The following DOK7 variants were observed in gnomAD, a reference collection of about 807,000 sequenced individuals.
The protein encoded by DOK7 is protein Dok-7.
In DOK7, 32 loss-of-function variants were observed where a neutral mutation model predicts 30.7. That is an observed-to-expected ratio of 1.04 (90% CI 0.79 to 1.40). DOK7 has a LOEUF of 1.40. Ranked by LOEUF, DOK7 falls within the 40% of genes most tolerant of loss-of-function variation. The pLI, the probability that DOK7 is intolerant of heterozygous loss-of-function variation, is 0.00. For missense variants in DOK7, 1,007 were observed against 699.2 expected (o/e 1.44, Z -4.97); for synonymous variants, 447 against 324.1 (o/e 1.38, Z -4.07).
intron 4 of DOK7, chr4:3,484,582 G>T (rs916896075): frequency 4.1e-6 from 4 of 985,250 alleles, no homozygotes; most frequent in African/African-American, 1.7e-5. Context: ...CCCCTGGCCG[G>T]GAGGGCAGCG....
intron 4 of DOK7, among the ~76,000 whole-genome samples, chr4:3,477,407 T>C (rs1243342094): frequency 6.6e-6 from 1 of 152,202 alleles, no homozygotes; most frequent in Non-Finnish European, 1.5e-5. Flanking sequence ...AGCCTGGATG[T>C]GTCTGGGTGG....
intron 4 of DOK7, among the ~76,000 whole-genome samples, chr4:3,479,928 G>C (rs56354837): frequency 0.26 from 39,082 of 152,092 alleles, 5,230 homozygotes; most frequent in South Asian, 0.39. Context: ...CATGGCAGGC[G>C]ACGGTCTGTG....
intron 5 of DOK7, 95 bp from the exon 6 acceptor site, chr4:3,489,582 G>A: frequency 5.2e-6 from 8 of 1,543,446 alleles, no homozygotes; most frequent in Middle Eastern, 2.1e-4. Context: ...ACTCCACAGA[G>A]GGGGATAACC....
intron 6 of DOK7, among the ~76,000 whole-genome samples, chr4:3,492,211 AGGGAGGGAGACT>A (rs1330557691): frequency 6.6e-6 from 1 of 151,984 alleles, no homozygotes; most frequent in Non-Finnish European, 1.5e-5. Context: ...CATCCCCCGC[AGGGAGGGAGACT>A]GGGAGTGAGG....
chr4:3,487,817 T>G (rs945733487), intron 5 of DOK7, among the ~76,000 whole-genome samples: 1 of 152,164 alleles, frequency 6.6e-6, no homozygotes, highest in African/African-American at 2.4e-5. Context: ...CTGTGGGGCA[T>G]TGGCTTTGAG....
chr4:3,491,195 ATTCCTTCCCCC>A (rs1728390987), intron 6 of DOK7, among the ~76,000 whole-genome samples: 1 of 13,580 alleles, frequency 7.4e-5, no homozygotes, highest in African/African-American at 2.0e-4. Context: ...CCCCCTGCTC[ATTCCTTCCCCC>A]CTGCTCATTC....
chr4:3,473,396 C>T lies in DOK7; in HGVS notation c.101-10C>T. On this transcript the variant is annotated splice_polypyrimidine_tract_variant and intron_variant, in intron 2 of 6. Coordinates refer to ENST00000340083, the MANE Select transcript of DOK7 (RefSeq NM_173660.5). ...TTGGCTGGCGTCCCTGACGGCCACGCTCCTTGCAGACTGCCTGCTGATGCT... is the reference window on the plus strand; with the variant it reads ...TTGGCTGGCGTCCCTGACGGCCACGTTCCTTGCAGACTGCCTGCTGATGCT... The T allele has an allele frequency of 1.2e-6, 2 of 1,610,550 alleles. No individual in the cohort carries two copies. The highest frequency in any genetic ancestry group is 1.1e-5 in the South Asian group (1 of 90,938).
At chr4:3,478,154 G>A (rs949107671) in intron 4 of DOK7, among the ~76,000 whole-genome samples, 1 of 152,184 alleles carries the variant, frequency 6.6e-6, no homozygotes, top group Non-Finnish European at 1.5e-5. Context: ...GCAGGCAGCC[G>A]GCCGGGGTGG....
intron 4 of DOK7, among the ~76,000 whole-genome samples, chr4:3,480,174 G>A (rs1727354693): frequency 6.6e-6 from 1 of 152,194 alleles, no homozygotes; most frequent in African/African-American, 2.4e-5. Context: ...GAGGGTGAAT[G>A]GAAGCTTTTG....
downstream of DOK7, among the ~76,000 whole-genome samples, chr4:3,499,342 G>T (rs887925889): frequency 3.3e-5 from 5 of 152,008 alleles, no homozygotes; most frequent in African/African-American, 9.7e-5. Context: ...CTCAGGGAAT[G>T]GGGGGGGACT....
chr4:3,471,548 G>T (rs1726768932), intron 2 of DOK7, among the ~76,000 whole-genome samples: 2 of 152,264 alleles, frequency 1.3e-5, no homozygotes, highest in Admixed American at 1.3e-4. Flanking sequence ...GAGACTGCGG[G>T]CTGTCCTCCG....
At chr4:3,469,063 A>AGT (rs34539219) in intron 2 of DOK7, among the ~76,000 whole-genome samples, 79,080 of 142,670 alleles carry the variant, frequency 0.55, 22,961 homozygotes, top group African/African-American at 0.8. Context: ...TGTGTGCATT[A>AGT]GTGTGTGTGC....
intron 3 of DOK7, among the ~76,000 whole-genome samples, chr4:3,474,108 G>C (rs1331630096): frequency 6.6e-6 from 1 of 152,174 alleles, no homozygotes; most frequent in Admixed American, 6.5e-5. Flanking sequence ...CCCTGGAAGA[G>C]GTGGAACGTC....
chr4:3,491,839 C>G (rs929498335), intron 6 of DOK7, among the ~76,000 whole-genome samples: 8 of 152,218 alleles, frequency 5.3e-5, no homozygotes, highest in Admixed American at 3.9e-4. Flanking sequence ...GCTGGCAGAG[C>G]AGGAGGGGCC....
chr4:3,495,889 G>T (rs775760536), downstream of DOK7, among the ~76,000 whole-genome samples: 1 of 152,142 alleles, frequency 6.6e-6, no homozygotes, highest in South Asian at 2.1e-4. Flanking sequence ...TCAAAGTCTA[G>T]ACCAGCTCAG....
chr4:3,478,606 C>G (rs1248239510), intron 4 of DOK7, among the ~76,000 whole-genome samples: 1 of 150,036 alleles, frequency 6.7e-6, no homozygotes, highest in Non-Finnish European at 1.5e-5. Context: ...GCTGGCCCCA[C>G]AGAACCCGCC....
At chr4:3,463,645 C>T in intron 2 of DOK7, 94 bp downstream of exon 2, 1 of 1,441,632 alleles carries the variant, frequency 6.9e-7, no homozygotes. Context: ...AAAATCGCCG[C>T]CGCTGTCACC....
intron 6 of DOK7, among the ~76,000 whole-genome samples, chr4:3,490,291 TTTC>T: frequency 8.4e-5 from 8 of 95,302 alleles, no homozygotes; most frequent in Non-Finnish European, 1.6e-4. Context: ...TGCTCATTCA[TTTC>T]TTCCTCCGCC....
chr4:3,500,826 G>T (rs1342881709), exon 8 of DOK7: 1 of 1,529,456 alleles, frequency 6.5e-7, no homozygotes, highest in Non-Finnish European at 8.7e-7. Flanking sequence ...CCCGCAGTGA[G>T]GTCACAGCGC....
Sources: gnomAD v4.1 joint callset for allele counts (sites outside exome capture counted in the v4.1 genomes callset) on GRCh38, gnomAD v4.1.1 for gene constraint, MANE v1.5 for transcripts, NCBI Gene and HGNC (gene_info 2026-07-23, HGNC 2026-07-21) for gene names.